The following PKIA variants were observed in gnomAD, a reference collection of about 807,000 sequenced individuals.
The protein encoded by PKIA is PKI-alpha.
In PKIA, 4 loss-of-function variants were observed where a neutral mutation model predicts 7.6. The ratio of observed to expected loss-of-function variants is 0.52; its 90% CI spans 0.26 to 1.20. The LOEUF (loss-of-function observed/expected upper bound fraction) is 1.20. Among genes scored for constraint, PKIA ranks in the 50% most tolerant of loss-of-function variants. The pLI, the probability that PKIA is intolerant of heterozygous loss-of-function variation, is 0.13. For synonymous variants in PKIA, 21 were observed against 30.7 expected (o/e 0.68, Z 1.04); for missense variants, 73 against 86.2 (o/e 0.85, Z 0.61).
At chr8:78,598,193 G>T (rs1341515444) in intron 2 of PKIA, among the ~76,000 whole-genome samples, 165 bp from the exon 3 acceptor site, 2 of 150,280 alleles carry the variant, frequency 1.3e-5, no homozygotes, top group Non-Finnish European at 3.0e-5. Flanking sequence ...GTACATTAAA[G>T]GTTCCCAGAC....
At chr8:78,535,851 C>T (rs1017624197) in intron 1 of PKIA, 9 of 151,952 alleles carry the variant, frequency 5.9e-5, no homozygotes, top group African/African-American at 1.9e-4. Context: ...TTAGAGTACC[C>T]GAGAGGTATG....
intron 2 of PKIA, among the ~76,000 whole-genome samples, chr8:78,578,732 T>C (rs1807735761): frequency 6.6e-6 from 1 of 151,886 alleles, no homozygotes; most frequent in African/African-American, 2.4e-5. Context: ...TTGTGATGCC[T>C]CCATTTCTTA....
intron 1 of PKIA, among the ~76,000 whole-genome samples, chr8:78,551,050 G>A (rs1179977236): frequency 6.6e-6 from 1 of 152,044 alleles, no homozygotes; most frequent in Non-Finnish European, 1.5e-5. Flanking sequence ...TTGTGTGTTT[G>A]TAATCTCAGG....
rs1808362125 is a variant in PKIA, at chr8:78,602,103, G to C, written c.*282G>C. On this transcript the variant is annotated 3_prime_UTR_variant, in exon 4 of 4. Transcript: ENST00000396418. ...GATCATATGACGAAATGCTTATAGA[G>C]AGTAGCTCCGACCTAGATGATGATT... is the stretch of plus-strand genomic sequence containing the variant. The C allele has an allele frequency of 2.8e-6, 1 of 361,936 alleles. No homozygotes were observed. The highest frequency in any genetic ancestry group is 4.7e-5 in the Admixed American group (1 of 21,388). 22.4% of individuals were successfully genotyped at this position (361,936 alleles called of 1,614,324 possible). A position where few individuals can be genotyped will look rare whatever the true frequency, so the allele number is the denominator to read the frequency against.
intron 1 of PKIA, among the ~76,000 whole-genome samples, chr8:78,546,564 G>A (rs1485494189): frequency 6.6e-6 from 1 of 152,080 alleles, no homozygotes; most frequent in Admixed American, 6.6e-5. Context: ...TCAAAATAAG[G>A]GCTGTGTGCC....
Position 78,535,227 on chromosome 8 carries a change from G to A in PKIA, c.-157+18759G>A, listed in dbSNP as rs149662810. Reference sequence around the variant, plus strand: ...ATGTAAGATTGATTTCTGCTAAAGAGACCTTAAATTTGGCTGTGTTTGAAT... The same window carrying A: ...ATGTAAGATTGATTTCTGCTAAAGAAACCTTAAATTTGGCTGTGTTTGAAT... On this transcript the variant is annotated intron_variant, in intron 1 of 3. Transcript: ENST00000396418. 1.3e-3 allele frequency: 195 copies of A among 152,260 alleles called. 2 individuals carry two copies. Among genetic ancestry groups the A allele is most frequent in the African/African-American group, 4.6e-3 (191 of 41,558 alleles). The allele number at this position is 152,260 out of a possible 1,614,324, so 9.4% of individuals were successfully genotyped here.
At chr8:78,573,217 C>G (rs1156326085) in intron 2 of PKIA, among the ~76,000 whole-genome samples, 4 of 152,048 alleles carry the variant, frequency 2.6e-5, no homozygotes, top group Non-Finnish European at 4.4e-5. Flanking sequence ...GCCTGTGGAG[C>G]AGCAGATTAA....
At position 78,528,548 on chromosome 8, in the gene PKIA, G is replaced by T. The variant is rs1585868736; in HGVS notation, c.-157+12080G>T. Among the ~76,000 whole-genome samples the T allele has an allele frequency of 3.3e-5, 5 of 151,888 alleles. 1 individual carries two copies. In the South Asian group the frequency reaches 1.0e-3, roughly 32 times the overall value. On this transcript the variant is annotated intron_variant, in intron 1 of 3. Coordinates refer to ENST00000396418, the MANE Select transcript of PKIA (RefSeq NM_006823.4). ...GTTAAATACATATAATCTGGGACTGGGTGCAGTGGTTCATGCCAGTAATCT... is the reference window on the plus strand; with the variant it reads ...GTTAAATACATATAATCTGGGACTGTGTGCAGTGGTTCATGCCAGTAATCT...
At chr8:78,537,493 GCAC>G (rs1434048909) in intron 1 of PKIA, among the ~76,000 whole-genome samples, 1 of 151,864 alleles carries the variant, frequency 6.6e-6, no homozygotes, top group African/African-American at 2.4e-5. Flanking sequence ...ACCACCTCCA[GCAC>G]CACCAAAAGT....
rs1383863201 is a variant in PKIA at position 78,590,104 on chromosome 8, T to G, written c.-27-8254T>G. ...GAACTTTCAAACAAAAATTATAATT[T>G]CAGAAAACCTATTATCTGCCCCTGT... On this transcript the variant is annotated intron_variant, in intron 2 of 3. Transcript: ENST00000396418. Among the ~76,000 whole-genome samples, 3 of 152,160 alleles carry G rather than the reference T, an allele frequency of 2.0e-5. No individual in the cohort carries two copies. In the East Asian group the frequency reaches 5.8e-4, roughly 29 times the overall value.
intron 2 of PKIA, among the ~76,000 whole-genome samples, chr8:78,582,858 T>A (rs1323586491): frequency 6.6e-6 from 1 of 152,074 alleles, no homozygotes; most frequent in Non-Finnish European, 1.5e-5. Flanking sequence ...CAATTATATA[T>A]CCAAACAGAA....
At chr8:78,591,228 C>T (rs754754472) in intron 2 of PKIA, 1 of 152,624 alleles carries the variant, frequency 6.6e-6, no homozygotes, top group South Asian at 2.1e-4. Context: ...ACATCATAGG[C>T]CCAACTTCTA....
In PKIA at chr8:78,595,610, G is replaced by T. The variant is rs1387483333; in HGVS notation, c.-27-2748G>T. On this transcript the variant is annotated intron_variant, in intron 2 of 3. Transcript: ENST00000396418. Reference sequence around the variant, plus strand: ...ACCTTCCATCCTCAAATAGGCCCTGGTGTCTATTCTTCCCTTCTTTGTGTC... The same window carrying T: ...ACCTTCCATCCTCAAATAGGCCCTGTTGTCTATTCTTCCCTTCTTTGTGTC... 2.0e-5 allele frequency among the ~76,000 whole-genome samples: 3 copies of T among 152,050 alleles called. No homozygotes were observed. In the East Asian group the frequency reaches 5.8e-4, roughly 29 times the overall value.
intron 1 of PKIA, among the ~76,000 whole-genome samples, chr8:78,556,122 TTC>T (rs1339430608): frequency 6.6e-6 from 1 of 152,124 alleles, no homozygotes; most frequent in Admixed American, 6.5e-5. Context: ...ATTCTTTTTA[TTC>T]AGTTACCAAA....
intron 1 of PKIA, among the ~76,000 whole-genome samples, chr8:78,559,832 A>G (rs1459667967): frequency 6.6e-6 from 1 of 152,186 alleles, no homozygotes; most frequent in Non-Finnish European, 1.5e-5. Context: ...TCTTCCTGTA[A>G]AATTGTGTTC....
intron 1 of PKIA, among the ~76,000 whole-genome samples, chr8:78,524,068 TTA>T (rs1169624692): frequency 2.6e-5 from 2 of 78,304 alleles, no homozygotes; most frequent in African/African-American, 1.8e-4. Flanking sequence ...ACATTTATAT[TTA>T]TATATAAATA....
At chr8:78,554,153 G>GTT (rs1164078480) in intron 1 of PKIA, among the ~76,000 whole-genome samples, 1 of 151,968 alleles carries the variant, frequency 6.6e-6, no homozygotes, top group African/African-American at 2.4e-5. Context: ...CCCATACTGG[G>GTT]TTCTTCATGC....
chr8:78,532,908 C>T (rs1161830102), intron 1 of PKIA, among the ~76,000 whole-genome samples: 1 of 152,098 alleles, frequency 6.6e-6, no homozygotes, highest in African/African-American at 2.4e-5. Context: ...AACAGAGCGA[C>T]TCTGTCTCAG....
intron 1 of PKIA, among the ~76,000 whole-genome samples, chr8:78,551,039 C>T (rs1361496979): frequency 6.6e-6 from 1 of 152,032 alleles, no homozygotes; most frequent in Non-Finnish European, 1.5e-5. Context: ...GGGCAAGAAT[C>T]TTGTGTGTTT....
Sources: allele counts gnomAD v4.1 joint callset (sites outside exome capture counted in the v4.1 genomes callset), GRCh38; gene constraint gnomAD v4.1.1; transcripts MANE v1.5; gene names NCBI Gene and HGNC (gene_info 2026-07-23, HGNC 2026-07-21).